Variants in GLYCTK observed in about 807,000 individuals in gnomAD.
The protein encoded by GLYCTK is HBeAg binding protein 4.
A neutral mutation model predicts 24.8 loss-of-function variants in GLYCTK; 22 were observed. That is an observed-to-expected ratio of 0.89 (90% CI 0.63 to 1.27). GLYCTK has a LOEUF of 1.27. Among genes scored for constraint, GLYCTK ranks in the 50% most tolerant of loss-of-function variants. The pLI is 0.00. For synonymous variants in GLYCTK, 320 were observed against 297.2 expected (o/e 1.08, Z -0.79); for missense variants, 684 against 686.7 (o/e 1.00, Z 0.04).
chr3:52,292,046 G>A (rs781009069), intron 4 of GLYCTK, 124 bp downstream of exon 4: 102 of 1,175,168 alleles, frequency 8.7e-5, no homozygotes, highest in Middle Eastern at 2.9e-4. Flanking sequence ...CCATGGGGCC[G>A]GCTGGGTGAC....
Position 52,293,295 on chromosome 3 carries a change from A to G in GLYCTK, c.*169A>G, listed in dbSNP as rs1261335706. ...CACTCAGGGCCTCTGCTCTATATCTATTCCCTTCCAGCCAGACTGGCAGAT... is the reference window on the plus strand; with the variant it reads ...CACTCAGGGCCTCTGCTCTATATCTGTTCCCTTCCAGCCAGACTGGCAGAT... On this transcript the variant is annotated 3_prime_UTR_variant, in exon 5 of 5. Transcript: ENST00000436784. 12 of 748,542 alleles carry G rather than the reference A, an allele frequency of 1.6e-5. No homozygotes were observed. The Middle Eastern group carries it at 6.7e-4, about 42-fold the overall frequency. The allele number at this position is 748,542 out of a possible 1,614,324, so 46.4% of individuals were successfully genotyped here.
chr3:52,293,626 G>T lies in GLYCTK; in HGVS notation c.*500G>T, dbSNP rs1475625236. On this transcript the variant is annotated 3_prime_UTR_variant, in exon 5 of 5. Transcript: ENST00000436784. ...ACGTGCAGGATGTGCCTCGCATAAC[G>T]GGAGCCTGTGCCCATCCCTCTGGAG... 6.6e-6 allele frequency: 3 copies of T among 454,610 alleles called. No individual in the cohort carries two copies. Among genetic ancestry groups the T allele is most frequent in the South Asian group, 4.7e-5 (3 of 64,480 alleles). The allele number at this position is 454,610 out of a possible 1,614,324, so 28.2% of individuals were successfully genotyped here. A position where few individuals can be genotyped will look rare whatever the true frequency, so the allele number is the denominator to read the frequency against.
chr3:52,290,482 G>C lies in GLYCTK; in HGVS notation c.140G>C (p.Gly47Ala). Residue 47 changes from glycine (G) to alanine (A), a missense_variant, in exon 2 of 5, where the codon GGT (glycine) becomes GCT (alanine). Transcript: ENST00000436784. ...AGGCAGCTGTTTGAGAGTGCTGTAG[G>C]TGCAGTGCTGCCGGGCCCCATGCTG... ...QARQLFESAV[G>A]AVLPGPMLHR... is the part of the protein sequence containing the mutation. The C allele has an allele frequency of 3.1e-6, 5 of 1,613,258 alleles. No individual in the cohort carries two copies. Among genetic ancestry groups the C allele is most frequent in the Non-Finnish European group, 4.2e-6 (5 of 1,180,028 alleles).
intron 1 of GLYCTK, chr3:52,288,919 T>TA (rs974595344): frequency 4.6e-5 from 7 of 152,176 alleles, no homozygotes; most frequent in Admixed American, 4.6e-4. Context: ...TGTCTTTTCT[T>TA]ACCGGAGAGC....
chr3:52,292,096 C>T (rs1559465703), intron 4 of GLYCTK, among the ~76,000 whole-genome samples, 164 bp from the exon 5 acceptor site: 1 of 152,180 alleles, frequency 6.6e-6, no homozygotes, highest in Non-Finnish European at 1.5e-5. Context: ...GAGGTGCCTG[C>T]ATGACCAGGT....
At chr3:52,291,492 T>G (rs997235010) in intron 3 of GLYCTK, 12 of 585,652 alleles carry the variant, frequency 2.0e-5, no homozygotes, top group Non-Finnish European at 3.7e-5. Flanking sequence ...GTGTGCCCCC[T>G]GCCCTGCCTC....
At chr3:52,289,842 C>T (rs1252594896) in intron 1 of GLYCTK, among the ~76,000 whole-genome samples, 1 of 152,208 alleles carries the variant, frequency 6.6e-6, no homozygotes, top group Non-Finnish European at 1.5e-5. Context: ...GTGGGACAAT[C>T]AACAGCTTCC....
In GLYCTK at chr3:52,290,985, C is replaced by T. The variant is rs202064224; in HGVS notation, c.403C>T (p.Arg135Cys). The T allele has an allele frequency of 1.2e-4, 194 of 1,613,966 alleles. No individual in the cohort carries two copies. The highest frequency in any genetic ancestry group is 9.3e-5 in the African/African-American group (7 of 74,916). ...GGAGATGCTGCTGAAGCCACATAGC[C>T]GTGTCCAGGTATTCGAGGGTGCGGA... ...KQEMLLKPHS[R>C]VQVFEGAEDN... The change falls in exon 3 of 5, where the codon CGT becomes TGT. Residue 135 changes from arginine (R) to cysteine (C), a missense_variant. Transcript: ENST00000436784.
At chr3:52,291,451 C>A in intron 3 of GLYCTK, 1 of 581,030 alleles carries the variant, frequency 1.7e-6, no homozygotes, top group South Asian at 2.1e-5. Context: ...GGCCCTCAGA[C>A]CTCATGGAGT....
Position 52,291,114 on chromosome 3 carries a change from G to T in GLYCTK, c.529+3G>T. Reference sequence around the variant, plus strand: ...CCTGCTGCTCGTGCTGATCTCAGGTGTGGTACCACATTGGCCCAAGACTGT... The same window carrying T: ...CCTGCTGCTCGTGCTGATCTCAGGTTTGGTACCACATTGGCCCAAGACTGT... On this transcript the variant is annotated splice_donor_region_variant and intron_variant, in intron 3 of 4. Coordinates refer to ENST00000436784, the MANE Select transcript of GLYCTK (RefSeq NM_145262.4). 6.2e-7 allele frequency: 1 copy of T among 1,609,494 alleles called. No individual in the cohort carries two copies. The highest frequency in any genetic ancestry group is 1.3e-5 in the African/African-American group (1 of 75,044).
At chr3:52,291,976 T>C in intron 4 of GLYCTK, 54 bp downstream of exon 4, 1 of 1,537,556 alleles carries the variant, frequency 6.5e-7, no homozygotes. Context: ...CAGGCCCACA[T>C]GTGCCAGGGA....
Position 52,295,085 on chromosome 3 carries a change from A to G in GLYCTK, c.*1959A>G. The G allele has an allele frequency of 2.2e-6, 1 of 454,074 alleles. No homozygotes were observed. The allele number at this position is 454,074 out of a possible 1,614,324, so 28.1% of individuals were successfully genotyped here. A position where few individuals can be genotyped will look rare whatever the true frequency, so the allele number is the denominator to read the frequency against. The stretch of plus-strand genomic sequence containing the variant: ...GGCCAGGGCCCGGATTGGACCCCAT[A>G]GGGCCAAATGGTCTGTGAGCCTAAC... On this transcript the variant is annotated 3_prime_UTR_variant, in exon 5 of 5. Transcript: ENST00000436784.
chr3:52,294,874 A>G lies in GLYCTK; in HGVS notation c.*1748A>G, dbSNP rs1700591315. 2.2e-6 allele frequency: 1 copy of G among 453,964 alleles called. No homozygotes were observed. The highest frequency in any genetic ancestry group is 2.0e-5 in the African/African-American group (1 of 49,976). 28.1% of individuals were successfully genotyped at this position (453,964 alleles called of 1,614,324 possible). A position where few individuals can be genotyped will look rare whatever the true frequency, so the allele number is the denominator to read the frequency against. On this transcript the variant is annotated 3_prime_UTR_variant, in exon 5 of 5. Transcript: ENST00000436784. ...GTGTGGGTGGTAGGTGTGTGAGTAT[A>G]CAGACGTTGGTGTTGGCGTACTCAG...
rs772539915 is a variant in GLYCTK, at chr3:52,290,979, C to A, written c.397C>A (p.His133Asn). ...CCCCAGGGAGATGCTGCTGAAGCCA[C>A]ATAGCCGTGTCCAGGTATTCGAGGG... is the stretch of plus-strand genomic sequence containing the variant. ...AGKQEMLLKP[H>N]SRVQVFEGAE... The change falls in exon 3 of 5, where the codon CAT (histidine) becomes AAT (asparagine). Residue 133 changes from histidine (H) to asparagine (N), a missense_variant. Physicochemically the swap from His to Asn is moderately conservative, Grantham distance 68. Transcript: ENST00000436784. 5.0e-6 allele frequency: 8 copies of A among 1,614,002 alleles called. No individual in the cohort carries two copies.
At chr3:52,288,087 TGGC>T (rs1700343611) in intron 1 of GLYCTK, 1 of 202,440 alleles carries the variant, frequency 4.9e-6, no homozygotes, top group Non-Finnish European at 1.1e-5. Flanking sequence ...CCTTCTTTGA[TGGC>T]GGGGAGGAGT....
In GLYCTK at chr3:52,294,252, T is replaced by C. The variant is rs1204583131; in HGVS notation, c.*1126T>C. ...CCGTGCGCCACGGCTCCAATCCCTATATGAGTGAGCAGTAGAATCACATAG... is the reference window on the plus strand; with the variant it reads ...CCGTGCGCCACGGCTCCAATCCCTACATGAGTGAGCAGTAGAATCACATAG... On this transcript the variant is annotated 3_prime_UTR_variant, in exon 5 of 5. Coordinates refer to ENST00000436784, the MANE Select transcript of GLYCTK (RefSeq NM_145262.4). 1 of 534,690 alleles carries C rather than the reference T, an allele frequency of 1.9e-6. No homozygotes were observed. Among genetic ancestry groups the C allele is most frequent in the Non-Finnish European group, 3.8e-6 (1 of 260,054 alleles). 33.1% of individuals were successfully genotyped at this position (534,690 alleles called of 1,614,324 possible).
At chr3:52,290,209 TG>T in intron 1 of GLYCTK, 94 bp from the exon 2 acceptor site, 1 of 965,504 alleles carries the variant, frequency 1.0e-6, no homozygotes, top group Non-Finnish European at 1.5e-6. Flanking sequence ...GCAGCAGCTG[TG>T]GGGTCCACTG....
chr3:52,292,491 G>T lies in GLYCTK; in HGVS notation c.937G>T (p.Val313Leu). ...HVLNVIIGSNVLALAEAQRQA... is the reference protein window; with the variant it reads ...HVLNVIIGSNLLALAEAQRQA... Reference sequence around the variant, plus strand: ...CCTGAATGTGATCATTGGCTCTAATGTGCTGGCGCTAGCTGAGGCCCAGCG... The same window carrying T: ...CCTGAATGTGATCATTGGCTCTAATTTGCTGGCGCTAGCTGAGGCCCAGCG... The change falls in exon 5 of 5, where the codon GTG becomes TTG. Residue 313 changes from valine (V) to leucine (L), a missense_variant. Physicochemically the swap from Val to Leu is conservative, Grantham distance 32 (BLOSUM62 1). Coordinates refer to ENST00000436784, the MANE Select transcript of GLYCTK (RefSeq NM_145262.4). The T allele has an allele frequency of 1.2e-6, 2 of 1,613,494 alleles. No homozygotes were observed. Among genetic ancestry groups the T allele is most frequent in the Non-Finnish European group, 1.7e-6 (2 of 1,179,948 alleles).
In GLYCTK at chr3:52,293,094, G is replaced by T; in HGVS notation, c.1540G>T (p.Asp514Tyr). The T allele has an allele frequency of 6.2e-7, 1 of 1,614,028 alleles. No homozygotes were observed. The highest frequency in any genetic ancestry group is 1.6e-4 in the Middle Eastern group (1 of 6,062). Reference protein sequence around the residue: ...HTGMTGTNVMDTHLLFLRPR With the variant: ...HTGMTGTNVMYTHLLFLRPR The stretch of plus-strand genomic sequence containing the variant: ...AGGGATGACAGGTACCAATGTCATG[G>T]ACACCCACCTCTTGTTCCTGCGGCC... Residue 514 changes from aspartate to tyrosine, a missense_variant, in exon 5 of 5, where the codon GAC becomes TAC. By Grantham distance (160) the Asp-to-Tyr change is radical. Transcript: ENST00000436784.
Sources: allele counts gnomAD v4.1 joint callset (sites outside exome capture counted in the v4.1 genomes callset), GRCh38; gene constraint gnomAD v4.1.1; transcripts MANE v1.5; gene names NCBI Gene and HGNC (gene_info 2026-07-23, HGNC 2026-07-21).